Variants in SLC46A2 observed in about 807,000 individuals in gnomAD.
The protein encoded by SLC46A2 is solute carrier family 46 member 2, also known as thymic stromal co-transporter.
SLC46A2 carries 25 observed loss-of-function variants against 33.1 expected under a neutral mutation model. The ratio of observed to expected loss-of-function variants is 0.76; its 90% confidence interval spans 0.55 to 1.06. SLC46A2 has a LOEUF of 1.06. Among genes scored for constraint, SLC46A2 ranks in the 50% least tolerant of loss-of-function variants. The pLI is 0.00. For missense variants in SLC46A2, 622 were observed against 621.7 expected, an observed-to-expected ratio of 1.00 and a Z score of 0.00; for synonymous variants, 254 against 275.9, an observed-to-expected ratio of 0.92 and a Z score of 0.79.
intron 1 of SLC46A2, 127 bp from the exon 2 acceptor site, chr9:112,887,540 C>A (rs904691154): frequency 1.3e-6 from 1 of 787,536 alleles, no homozygotes; most frequent in South Asian, 2.1e-5. Flanking sequence ...TGGAGGAAGT[C>A]ATTTCTCTGC....
chr9:112,883,821 C>T (rs1044320590), intron 3 of SLC46A2, among the ~76,000 whole-genome samples: 7 of 151,936 alleles, frequency 4.6e-5, no homozygotes, highest in Non-Finnish European at 1.0e-4. Context: ...CCTCAGCCTC[C>T]CGAATAACTG....
rs554558725 is a variant in SLC46A2 at position 112,886,488 on chromosome 9, G to A, written c.1342C>T (p.Leu448Phe). ...VGSCFALSSFLSFLAIIPISI... is the reference protein window; with the variant it reads ...VGSCFALSSFFSFLAIIPISI... ...ATTGGAATGATGGCCAGGAAGGAGA[G>A]AAAGGAGGAGAGAGCAAAGCAGGAG... The change falls in exon 3 of 4, where the codon CTC becomes TTC. Residue 448 changes from leucine (L) to phenylalanine (F), a missense_variant. By Grantham distance (22) the Leu-to-Phe change is conservative (BLOSUM62 0). Coordinates refer to ENST00000374228, the MANE Select transcript of SLC46A2 (RefSeq NM_033051.4). 19 of 1,614,204 alleles carry A rather than the reference G, an allele frequency of 1.2e-5. No individual in the cohort carries two copies. The South Asian group carries it at 2.1e-4, about 18-fold the overall frequency.
In SLC46A2 at chr9:112,889,628, T is replaced by G. The variant is rs761287848; in HGVS notation, c.1054A>C (p.Met352Leu). 5.6e-6 allele frequency: 9 copies of G among 1,613,906 alleles called. No homozygotes were observed. The Admixed American group carries it at 1.5e-4, about 27-fold the overall frequency. Residue 352 changes from methionine (M) to leucine (L), a missense_variant, in exon 1 of 4, where the codon ATG becomes CTG. Transcript: ENST00000374228. ...GACCCAAAGGAGACCATCCCAATCA[T>G]GATCATGGTGGTGTCCCGAAAGCAG... ...SRCFRDTTMI[M>L]IGMVSFGSGA...
chr9:112,882,799 A>G (rs1356062188), intron 3 of SLC46A2, among the ~76,000 whole-genome samples: 4 of 152,032 alleles, frequency 2.6e-5, no homozygotes, highest in Non-Finnish European at 5.9e-5. Flanking sequence ...GGTATCAAGA[A>G]CCCTATTTTG....
Sources: gnomAD v4.1 joint callset for allele counts (sites outside exome capture counted in the v4.1 genomes callset) on GRCh38, gnomAD v4.1.1 for gene constraint, MANE v1.5 for transcripts, NCBI Gene and HGNC (gene_info 2026-07-23, HGNC 2026-07-21) for gene names.